Variants in ACAP2 observed in about 807,000 individuals in gnomAD.
ACAP2 encodes ArfGAP with coiled-coil, ankyrin repeat and PH domains 2, also known as arf-GAP with coiled-coil, ANK repeat and PH domain-containing protein 2.
Under a neutral mutation model 115.8 loss-of-function variants are expected in ACAP2, and 39 were observed. The ratio of observed to expected loss-of-function variants is 0.34; its 90% CI spans 0.26 to 0.44. ACAP2 has a LOEUF of 0.44. Among genes scored for constraint, ACAP2 ranks in the 20% least tolerant of loss-of-function variants. The pLI is 1.00. For synonymous variants in ACAP2, 289 were observed against 315.8 expected, an observed-to-expected ratio of 0.92 and a Z score of 0.90; for missense variants, 662 against 927.6, an observed-to-expected ratio of 0.71 and a Z score of 3.72.
chr3:195,359,188 G>A (rs1180181531), intron 4 of ACAP2, among the ~76,000 whole-genome samples: 1 of 152,170 alleles, frequency 6.6e-6, no homozygotes, highest in Non-Finnish European at 1.5e-5. Context: ...CTACAGGGAG[G>A]TTCTTCACTC....
intron 22 of ACAP2, chr3:195,285,447 TG>T: frequency 5.0e-6 from 1 of 198,234 alleles, no homozygotes; most frequent in Non-Finnish European, 1.0e-5. Context: ...ATTTTGCTGC[TG>T]TAAGTATATG....
chr3:195,292,092 T>C (rs1165284835), intron 19 of ACAP2, among the ~76,000 whole-genome samples, 173 bp downstream of exon 19: 3 of 152,218 alleles, frequency 2.0e-5, no homozygotes, highest in Non-Finnish European at 4.4e-5. Context: ...GCAAAAAAAC[T>C]TGAAACAACC....
chr3:195,430,682 T>G (rs1326891942), intron 1 of ACAP2, among the ~76,000 whole-genome samples: 2 of 151,528 alleles, frequency 1.3e-5, no homozygotes, highest in Non-Finnish European at 2.9e-5. Context: ...ACCACTGCAC[T>G]CCACCCTGGG....
chr3:195,291,723 G>A lies in ACAP2; in HGVS notation c.2046C>T (p.Thr682=), dbSNP rs759509124. ...GCAGTTACCCTGTGTGCCCTAAGAC[G>A]GTGGCATGGTGCAATGGTCCCCGCC... ...VQGRGPLHHA[T]VLGHTGQVCL... The change falls in exon 20 of 23, where the codon ACC becomes ACT. Residue 682 remains threonine, a synonymous_variant. Coordinates refer to ENST00000326793, the MANE Select transcript of ACAP2 (RefSeq NM_012287.6). 1.2e-5 allele frequency: 20 copies of A among 1,613,474 alleles called. No individual in the cohort carries two copies. The highest frequency in any genetic ancestry group is 2.2e-5 in the South Asian group (2 of 91,004).
Position 195,342,639 on chromosome 3 carries a change from G to A in ACAP2, c.360C>T (p.Phe120=). The A allele has an allele frequency of 6.3e-7, 1 of 1,590,136 alleles. No homozygotes were observed. Among genetic ancestry groups the A allele is most frequent in the South Asian group, 1.2e-5 (1 of 86,052 alleles). ...QNFVKEDLRK[F]KDAKKQFEKV... ...TTTCGAATTGCTTCTTGGCATCTTT[G>A]AATTTTCTAAGATCTCTAAGAAAAG... The change falls in exon 6 of 23, where the codon TTC becomes TTT. Residue 120 remains phenylalanine, a synonymous_variant. Transcript: ENST00000326793.
Position 195,342,527 on chromosome 3 carries a change from T to A in ACAP2, c.472A>T (p.Ile158Phe), listed in dbSNP as rs199909122. The A allele has an allele frequency of 6.2e-7, 1 of 1,612,542 alleles. No homozygotes were observed. The highest frequency in any genetic ancestry group is 2.2e-5 in the East Asian group (1 of 44,850). The change falls in exon 6 of 23, where the codon ATT becomes TTT. Residue 158 changes from isoleucine (I) to phenylalanine (F), a missense_variant. Physicochemically the swap from Ile to Phe is conservative, Grantham distance 21. This residue lies in a region of ACAP2 where 401 missense variants were observed against 604.4 expected (regional missense o/e 0.66). Coordinates refer to ENST00000326793, the MANE Select transcript of ACAP2 (RefSeq NM_012287.6). ...KQHEVEEATN[I>F]LTATRKCFRH... ...AAACATTTTCTTGTTGCTGTCAGAA[T>A]GTTGGTGGCTTCTTCAACTTCATGT...
intron 10 of ACAP2, among the ~76,000 whole-genome samples, chr3:195,311,155 G>A (rs1728745350): frequency 6.7e-6 from 1 of 150,270 alleles, no homozygotes; most frequent in Non-Finnish European, 1.5e-5. Flanking sequence ...GGAGTGCAGG[G>A]GTGCGATCTT....
At chr3:195,351,211 A>C (rs1267261004) in intron 4 of ACAP2, among the ~76,000 whole-genome samples, 6 of 146,722 alleles carry the variant, frequency 4.1e-5, no homozygotes, top group Non-Finnish European at 8.9e-5. Flanking sequence ...TCCGCCTCCC[A>C]GGTTCAAGTG....
intron 4 of ACAP2, among the ~76,000 whole-genome samples, chr3:195,364,471 C>T (rs1054497787): frequency 2.0e-5 from 3 of 151,738 alleles, no homozygotes; most frequent in Non-Finnish European, 4.4e-5. Flanking sequence ...TTAGGGAGGC[C>T]GAGGCAGGAG....
At chr3:195,317,680 T>C (rs1249535559) in intron 10 of ACAP2, among the ~76,000 whole-genome samples, 2 of 152,226 alleles carry the variant, frequency 1.3e-5, no homozygotes, top group Non-Finnish European at 2.9e-5. Flanking sequence ...AACAGATTTA[T>C]ATTTTATAAA....
chr3:195,314,440 A>G (rs905190259), intron 10 of ACAP2, among the ~76,000 whole-genome samples: 6 of 151,896 alleles, frequency 4.0e-5, no homozygotes, highest in Middle Eastern at 3.4e-3. Flanking sequence ...GCTAATTTTT[A>G]TATTTTTAGT....
Position 195,316,681 on chromosome 3 carries a change from G to T in ACAP2, c.857+4020C>A, listed in dbSNP as rs1729110248. 2.0e-5 allele frequency among the ~76,000 whole-genome samples: 3 copies of T among 152,000 alleles called. 1 individual carries two copies. The highest frequency in any genetic ancestry group is 2.0e-4 in the Admixed American group (3 of 15,250). Reference sequence around the variant, plus strand: ...CCCAAAGTGCTAGGATTACAGGCATGAACCACCATGTCCACCACATGTATT... The same window carrying T: ...CCCAAAGTGCTAGGATTACAGGCATTAACCACCATGTCCACCACATGTATT... On this transcript the variant is annotated intron_variant, in intron 10 of 22. Coordinates refer to ENST00000326793, the MANE Select transcript of ACAP2 (RefSeq NM_012287.6).
intron 9 of ACAP2, among the ~76,000 whole-genome samples, chr3:195,323,936 G>C (rs1251795247): frequency 1.8e-4 from 27 of 152,128 alleles, no homozygotes. Context: ...TAACACAAAG[G>C]ATAAATGCTT....
intron 5 of ACAP2, among the ~76,000 whole-genome samples, chr3:195,343,611 T>C (rs1560266320): frequency 1.3e-5 from 2 of 152,208 alleles, no homozygotes; most frequent in East Asian, 3.8e-4. Context: ...TTTTTATTTC[T>C]GTGGTCTCAC....
At chr3:195,387,006 T>C (rs1439106807) in intron 2 of ACAP2, among the ~76,000 whole-genome samples, 1 of 152,074 alleles carries the variant, frequency 6.6e-6, no homozygotes, top group East Asian at 1.9e-4. Context: ...GTATCAGAAG[T>C]AGAACAGAGG....
intron 22 of ACAP2, 141 bp downstream of exon 22, chr3:195,285,655 C>T (rs1726796329): frequency 5.8e-6 from 4 of 687,614 alleles, no homozygotes; most frequent in Non-Finnish European, 9.6e-6. Flanking sequence ...TAACAACTCA[C>T]AATTTACAAG....
intron 18 of ACAP2, among the ~76,000 whole-genome samples, chr3:195,294,433 C>T (rs1032435904): frequency 6.6e-5 from 10 of 150,994 alleles, no homozygotes; most frequent in African/African-American, 2.4e-4. Flanking sequence ...CAAAAATTAG[C>T]TGGGCGTGGT....
intron 7 of ACAP2, among the ~76,000 whole-genome samples, chr3:195,334,211 A>C (rs1455534372): frequency 7.2e-6 from 1 of 138,848 alleles, no homozygotes; most frequent in Non-Finnish European, 1.5e-5. Context: ...TCCTCCAAAA[A>C]AAACTATTTT....
intron 9 of ACAP2, among the ~76,000 whole-genome samples, chr3:195,324,858 T>A (rs1326342967): frequency 1.3e-5 from 2 of 152,026 alleles, no homozygotes; most frequent in African/African-American, 2.4e-5. Context: ...ACAAAAAGCA[T>A]CAACCGTAAG....
Sources: gnomAD v4.1 joint callset for allele counts (sites outside exome capture counted in the v4.1 genomes callset) on GRCh38, gnomAD v4.1.1 for gene constraint, gnomAD v4.1.1 regional missense constraint, MANE v1.5 for transcripts, NCBI Gene and HGNC (gene_info 2026-07-23, HGNC 2026-07-21) for gene names.